ZWINT: variants seen among roughly 807,000 people sequenced by gnomAD.
ZWINT encodes the protein outer kinetochore KNL1 complex subunit ZWINT.
Under a neutral mutation model 41.5 loss-of-function variants are expected in ZWINT, and 41 were observed. The ratio of observed to expected loss-of-function variants is 0.99; its 90% CI spans 0.77 to 1.28. The LOEUF is 1.28. ZWINT is among the 50% of genes most tolerant of loss of function. ZWINT has a pLI of 0.00. For synonymous variants in ZWINT, 132 were observed against 126.8 expected, an observed-to-expected ratio of 1.04 and a Z score of -0.28; for missense variants, 369 against 329.7, an observed-to-expected ratio of 1.12 and a Z score of -0.92.
rs757408982 is a variant in ZWINT, at chr10:56,358,448, T to C, written c.804A>G (p.Leu268=). 23 of 1,614,012 alleles carry C rather than the reference T, an allele frequency of 1.4e-5. No individual in the cohort carries two copies. Among genetic ancestry groups the C allele is most frequent in the Non-Finnish European group, 1.8e-5 (21 of 1,180,028 alleles). The part of the protein sequence containing the change: ...DPGVSFKAVG[L]QPAGDVNLP ...GCAAATTTACATCTCCAGCAGGTTG[T>C]AGACCAACAGCCTTGGAGAAATACA... Residue 268 remains leucine (L), a synonymous_variant, in exon 8 of 9, where the codon CTA becomes CTG. Coordinates refer to ENST00000373944, the MANE Select transcript of ZWINT (RefSeq NM_007057.4).
chr10:56,359,601 A>C, intron 4 of ZWINT, 69 bp from the exon 5 acceptor site: 1 of 1,582,536 alleles, frequency 6.3e-7, no homozygotes, highest in Non-Finnish European at 8.6e-7. Flanking sequence ...GGGAGATTGC[A>C]AGCTGGCACA....
Position 56,361,243 on chromosome 10 carries a change from A to G in ZWINT, c.-7T>C, listed in dbSNP as rs1262880188. The G allele has an allele frequency of 6.2e-7, 1 of 1,611,774 alleles. No individual in the cohort carries two copies. Among genetic ancestry groups the G allele is most frequent in the Admixed American group, 1.7e-5 (1 of 59,976 alleles). ...CTGTCTCCGCTGCCTCCATCTTTCC[A>G]GGCGCCGAGTTCAGCTGCCTTCCCA... On this transcript the variant is annotated 5_prime_UTR_variant, in exon 1 of 9. Transcript: ENST00000373944.
In ZWINT at chr10:56,360,159, A is replaced by T; in HGVS notation, c.133-18T>A. On this transcript the variant is annotated intron_variant, in intron 2 of 8. Coordinates refer to ENST00000373944, the MANE Select transcript of ZWINT (RefSeq NM_007057.4). ...TGAGAGTCCTGCTCAGAGGGAGGGCAGAGACAGGGAACATCCTTACCTCCT... is the reference window on the plus strand; with the variant it reads ...TGAGAGTCCTGCTCAGAGGGAGGGCTGAGACAGGGAACATCCTTACCTCCT... 1 of 1,613,674 alleles carries T rather than the reference A, an allele frequency of 6.2e-7. No individual in the cohort carries two copies. Among genetic ancestry groups the T allele is most frequent in the Non-Finnish European group, 8.5e-7 (1 of 1,179,992 alleles).
At position 56,361,195 on chromosome 10, in the gene ZWINT, C is replaced by T. The variant is rs369846228; in HGVS notation, c.41+1G>A. On this transcript the variant is annotated splice_donor_variant, in intron 1 of 8. Coordinates refer to ENST00000373944, the MANE Select transcript of ZWINT (RefSeq NM_007057.4). LOFTEE classifies it high-confidence loss of function. The stretch of plus-strand genomic sequence containing the variant: ...GCTGCCACTTAGCCGCAAACACTTA[C>T]TCTAGGGCTGCAGCTTCCGCCTCTG... The T allele has an allele frequency of 3.1e-6, 5 of 1,613,388 alleles. No homozygotes were observed. The highest frequency in any genetic ancestry group is 1.1e-5 in the South Asian group (1 of 91,048).
chr10:56,359,615 C>G (rs577565804), intron 4 of ZWINT, 72 bp downstream of exon 4: 123 of 1,597,112 alleles, frequency 7.7e-5, no homozygotes, highest in Admixed American at 1.9e-4. Context: ...TGGCACAACT[C>G]AGCTTGCTCA....
intron 3 of ZWINT, 66 bp downstream of exon 3, chr10:56,359,952 C>T: frequency 1.2e-6 from 2 of 1,606,802 alleles, no homozygotes; most frequent in Non-Finnish European, 1.7e-6. Flanking sequence ...AAATGGGAGA[C>T]CTAACTGAAA....
Position 56,360,287 on chromosome 10 carries a change from A to C in ZWINT, c.132+6T>G. 6.2e-7 allele frequency: 1 copy of C among 1,614,078 alleles called. No homozygotes were observed. Among genetic ancestry groups the C allele is most frequent in the Non-Finnish European group, 8.5e-7 (1 of 1,179,984 alleles). ...TCTGAAAGGCTCGCTCTCATCTTGT[A>C]CATACCACCACAAACTCAACCAGGA... On this transcript the variant is annotated splice_donor_region_variant and intron_variant, in intron 2 of 8. Coordinates refer to ENST00000373944, the MANE Select transcript of ZWINT (RefSeq NM_007057.4).
chr10:56,360,641 C>G (rs1838306915), intron 1 of ZWINT, among the ~76,000 whole-genome samples: 1 of 152,104 alleles, frequency 6.6e-6, no homozygotes, highest in Non-Finnish European at 1.5e-5. Flanking sequence ...GAGAAAAGAG[C>G]TGAAATTTTA....
chr10:56,361,142 C>T, intron 1 of ZWINT, 54 bp downstream of exon 1: 2 of 1,605,666 alleles, frequency 1.2e-6, no homozygotes, highest in Non-Finnish European at 1.7e-6. Context: ...ACATAGGGGC[C>T]CACAAGGTCC....
chr10:56,359,291 A>G (rs1223174394), intron 5 of ZWINT, among the ~76,000 whole-genome samples, 185 bp downstream of exon 5: 1 of 152,220 alleles, frequency 6.6e-6, no homozygotes, highest in East Asian at 1.9e-4. Context: ...ATAAAGAAAC[A>G]GAAAGTTAGG....
Position 56,361,206 on chromosome 10 carries a change from C to G in ZWINT, c.31G>C (p.Ala11Pro). 1 of 1,613,178 alleles carries G rather than the reference C, an allele frequency of 6.2e-7. No individual in the cohort carries two copies. The highest frequency in any genetic ancestry group is 1.7e-5 in the Admixed American group (1 of 60,010). Reference protein sequence around the residue: MEAAETEAEAAALEVLAEVAG... With the variant: MEAAETEAEAPALEVLAEVAG... Reference sequence around the variant, plus strand: ...GCCGCAAACACTTACTCTAGGGCTGCAGCTTCCGCCTCTGTCTCCGCTGCC... The same window carrying G: ...GCCGCAAACACTTACTCTAGGGCTGGAGCTTCCGCCTCTGTCTCCGCTGCC... Residue 11 changes from alanine to proline, a missense_variant, in exon 1 of 9, where the codon GCA (alanine) becomes CCA (proline). By Grantham distance (27) the Ala-to-Pro change is conservative. Transcript: ENST00000373944.
At chr10:56,360,886 G>A (rs1235539378) in intron 1 of ZWINT, among the ~76,000 whole-genome samples, 1 of 152,160 alleles carries the variant, frequency 6.6e-6, no homozygotes, top group Non-Finnish European at 1.5e-5. Context: ...CGAAGGGGCA[G>A]GGATGGGGAT....
At position 56,361,218 on chromosome 10, in the gene ZWINT, C is replaced by G. The variant is rs1480852333; in HGVS notation, c.19G>C (p.Glu7Gln). 1 of 1,612,960 alleles carries G rather than the reference C, an allele frequency of 6.2e-7. No individual in the cohort carries two copies. The highest frequency in any genetic ancestry group is 2.2e-5 in the East Asian group (1 of 44,874). Reference protein sequence around the residue: MEAAETEAEAAALEVLA... With the variant: MEAAETQAEAAALEVLA... The stretch of plus-strand genomic sequence containing the variant: ...TACTCTAGGGCTGCAGCTTCCGCCT[C>G]TGTCTCCGCTGCCTCCATCTTTCCA... The change falls in exon 1 of 9, where the codon GAG becomes CAG. Residue 7 changes from glutamate to glutamine, a missense_variant. Glu to Gln is a conservative substitution (Grantham distance 29). Coordinates refer to ENST00000373944, the MANE Select transcript of ZWINT (RefSeq NM_007057.4).
Position 56,358,434 on chromosome 10 carries a change from T to C in ZWINT, c.818A>G (p.Asp273Gly). 1.9e-6 allele frequency: 3 copies of C among 1,613,982 alleles called. No homozygotes were observed. Among genetic ancestry groups the C allele is most frequent in the Non-Finnish European group, 1.7e-6 (2 of 1,179,992 alleles). Residue 273 changes from aspartate to glycine, a missense_variant, in exon 8 of 9, where the codon GAT becomes GGT. By Grantham distance (94) the Asp-to-Gly change is moderately conservative. Transcript: ENST00000373944. ...TCCAGGAAGTCATGGCAAATTTACA[T>C]CTCCAGCAGGTTGTAGACCAACAGC... The part of the protein sequence containing the change: ...FKAVGLQPAG[D>G]VNLP
chr10:56,361,088 T>G, intron 1 of ZWINT, 108 bp downstream of exon 1: 3 of 1,272,418 alleles, frequency 2.4e-6, no homozygotes, highest in East Asian at 2.4e-5. Context: ...CACGGCAGGG[T>G]CGAACCTCAA....
At chr10:56,359,650 G>A (rs1344094461) in intron 4 of ZWINT, 37 bp downstream of exon 4, 1 of 1,611,796 alleles carries the variant, frequency 6.2e-7, no homozygotes, top group African/African-American at 1.3e-5. Context: ...CTTTCTAACT[G>A]CCCTTCCCTC....
rs1357111627 is a variant in ZWINT at position 56,357,889 on chromosome 10, GAATTA to G, written c.*333_*337del. ...TGCCTAAAACATTCTCCTCCTCCTT[GAATTA>G]AATTCACCATGTCTGCATCATAGGA... On this transcript the variant is annotated 3_prime_UTR_variant, in exon 9 of 9. Coordinates refer to ENST00000373944, the MANE Select transcript of ZWINT (RefSeq NM_007057.4). The G allele has an allele frequency of 2.8e-6, 1 of 356,792 alleles. No individual in the cohort carries two copies. The highest frequency in any genetic ancestry group is 5.5e-6 in the Non-Finnish European group (1 of 180,920). 22.1% of individuals were successfully genotyped at this position (356,792 alleles called of 1,614,324 possible). A position where few individuals can be genotyped will look rare whatever the true frequency, so the allele number is the denominator to read the frequency against.
In ZWINT at chr10:56,357,983, T is replaced by A; in HGVS notation, c.*244A>T. The stretch of plus-strand genomic sequence containing the variant: ...GTGTTCAAACCAGTCCCAGCTCCTG[T>A]CATGTTATTGGCTTCTGAGTATCTG... On this transcript the variant is annotated 3_prime_UTR_variant, in exon 9 of 9. Transcript: ENST00000373944. The A allele has an allele frequency of 2.1e-6, 1 of 474,800 alleles. No homozygotes were observed. The highest frequency in any genetic ancestry group is 4.3e-6 in the Non-Finnish European group (1 of 233,088). 29.4% of individuals were successfully genotyped at this position (474,800 alleles called of 1,614,324 possible).
Position 56,359,804 on chromosome 10 carries a change from G to A in ZWINT, c.306C>T (p.Thr102=), listed in dbSNP as rs1386597293. 6.2e-7 allele frequency: 1 copy of A among 1,613,988 alleles called. No homozygotes were observed. Among genetic ancestry groups the A allele is most frequent in the Non-Finnish European group, 8.5e-7 (1 of 1,180,018 alleles). Residue 102 remains threonine, a synonymous_variant, in exon 4 of 9, where the codon ACC becomes ACT. Transcript: ENST00000373944. ...AKEQWKELKA[T]YREHVEAIKI... The stretch of plus-strand genomic sequence containing the variant: ...TGATGGCCTCTACGTGCTCCCTGTA[G>A]GTGGCCTTCAGCTCTTTCCATTGTT...
Sources: gnomAD v4.1 joint callset for allele counts (sites outside exome capture counted in the v4.1 genomes callset) on GRCh38, gnomAD v4.1.1 for gene constraint, MANE v1.5 for transcripts, NCBI Gene and HGNC (gene_info 2026-07-23, HGNC 2026-07-21) for gene names.